The following SORBS2 variants were observed in gnomAD, a reference collection of about 807,000 sequenced individuals.
SORBS2 encodes the protein sorbin and SH3 domain-containing protein 2.
A neutral mutation model predicts 97.7 loss-of-function variants in SORBS2; 46 were observed. The ratio of observed to expected loss-of-function variants is 0.47; its 90% CI spans 0.37 to 0.60. The LOEUF is 0.60. Among genes scored for constraint, SORBS2 ranks in the 20% least tolerant of loss-of-function variants. The probability of loss-of-function intolerance (pLI) is 0.00; values close to 1 mark genes in which losing one functional copy is unlikely to be tolerated. For synonymous variants in SORBS2, 476 were observed against 473.4 expected (o/e 1.01, Z -0.07); for missense variants, 1,316 against 1,282.3 (o/e 1.03, Z -0.40).
chr4:185,734,579 G>A (rs2098669990), intron 2 of SORBS2, among the ~76,000 whole-genome samples: 1 of 152,154 alleles, frequency 6.6e-6, no homozygotes, highest in Admixed American at 6.5e-5. Context: ...TAATAGAATG[G>A]AAGGGTGCAG....
At chr4:185,753,612 G>C (rs1033550220) in intron 2 of SORBS2, among the ~76,000 whole-genome samples, 5 of 152,150 alleles carry the variant, frequency 3.3e-5, no homozygotes, top group African/African-American at 1.2e-4. Flanking sequence ...ATCAATGTCT[G>C]TGCATCCTTT....
chr4:185,744,511 T>A (rs780342061), intron 2 of SORBS2, among the ~76,000 whole-genome samples: 2 of 152,242 alleles, frequency 1.3e-5, no homozygotes, highest in African/African-American at 4.8e-5. Context: ...AGAATATTGA[T>A]AAATTATCAT....
chr4:185,949,415 A>T (rs2099276102), intron 1 of SORBS2, among the ~76,000 whole-genome samples: 1 of 152,156 alleles, frequency 6.6e-6, no homozygotes. Flanking sequence ...TTTAAACCTC[A>T]AGTAAAATGC....
chr4:185,608,331 G>A (rs968710593), intron 12 of SORBS2, among the ~76,000 whole-genome samples: 2 of 152,192 alleles, frequency 1.3e-5, no homozygotes, highest in Non-Finnish European at 2.9e-5. Flanking sequence ...ATGAAGCTGA[G>A]CTTACATAAC....
At chr4:185,706,471 T>C (rs889191133) in intron 2 of SORBS2, among the ~76,000 whole-genome samples, 10 of 152,228 alleles carry the variant, frequency 6.6e-5, no homozygotes, top group Non-Finnish European at 1.3e-4. Flanking sequence ...GTCTCAAGTA[T>C]ACACAAATGG....
chr4:185,851,468 C>G (rs1009799139), intron 1 of SORBS2, among the ~76,000 whole-genome samples: 1 of 152,150 alleles, frequency 6.6e-6, no homozygotes, highest in Non-Finnish European at 1.5e-5. Context: ...GTTGCACTTA[C>G]AAGCTGTCCT....
chr4:185,791,511 G>T (rs1263772270), intron 1 of SORBS2, among the ~76,000 whole-genome samples: 2 of 152,138 alleles, frequency 1.3e-5, no homozygotes, highest in African/African-American at 4.8e-5. Flanking sequence ...GCCAGCCAAG[G>T]TGAGGCTGTA....
At chr4:185,645,291 G>A (rs1256908284) in intron 4 of SORBS2, among the ~76,000 whole-genome samples, 2 of 152,112 alleles carry the variant, frequency 1.3e-5, no homozygotes, top group Non-Finnish European at 2.9e-5. Flanking sequence ...TGATGACATT[G>A]TGTTTCACTC....
intron 6 of SORBS2, 134 bp downstream of exon 18, chr4:185,626,698 C>G: frequency 1.1e-6 from 1 of 891,962 alleles, no homozygotes. Flanking sequence ...GGCTATTGTT[C>G]TAAAACTATA....
At chr4:185,666,233 G>A (rs930686512) in intron 4 of SORBS2, 1 of 1,159,256 alleles carries the variant, frequency 8.6e-7, no homozygotes, top group African/African-American at 1.6e-5. Flanking sequence ...AATAATAAGA[G>A]ATAAATTATC....
At chr4:185,849,100 T>C (rs962430642) in intron 1 of SORBS2, among the ~76,000 whole-genome samples, 1 of 152,178 alleles carries the variant, frequency 6.6e-6, no homozygotes, top group Non-Finnish European at 1.5e-5. Flanking sequence ...CCACCTCTTA[T>C]ATAGCTGGCC....
chr4:185,768,881 T>G (rs1207341496), intron 2 of SORBS2, among the ~76,000 whole-genome samples: 2 of 152,140 alleles, frequency 1.3e-5, no homozygotes, highest in Admixed American at 1.3e-4. Context: ...TGAAATTCCA[T>G]ACACAAAAAG....
At chr4:185,755,778 C>G (rs1356784127) in intron 2 of SORBS2, among the ~76,000 whole-genome samples, 1 of 152,218 alleles carries the variant, frequency 6.6e-6, no homozygotes, top group Admixed American at 6.5e-5. Flanking sequence ...TCAAGACTTT[C>G]CCTTTAACTA....
At chr4:185,771,281 A>G (rs62334857) in intron 2 of SORBS2, 27,920 of 151,742 alleles carry the variant, frequency 0.18, 2,741 homozygotes, top group Middle Eastern at 0.27. Context: ...GTGAGCCACC[A>G]CGCCAAGCCT....
At chr4:185,712,670 G>A (rs2098433926) in intron 2 of SORBS2, among the ~76,000 whole-genome samples, 1 of 152,234 alleles carries the variant, frequency 6.6e-6, no homozygotes, top group Non-Finnish European at 1.5e-5. Context: ...CCACCTGGAT[G>A]CTCGAACGGG....
In SORBS2 at chr4:185,866,991, GTTTAT is replaced by G. The variant is rs539165354; in HGVS notation, c.-338+89200_-338+89204del. On this transcript the variant is annotated intron_variant, in intron 1 of 20. Transcript: ENST00000284776. ...CGCAATGTATACTAAAATATTAAAG[GTTTAT>G]TTTATTTTATTTTATTATTTATTTA... Among the ~76,000 whole-genome samples, 19 of 152,032 alleles carry G rather than the reference GTTTAT, an allele frequency of 1.2e-4. No individual in the cohort carries two copies. The South Asian group carries it at 2.9e-3, about 23-fold the overall frequency.
intron 4 of SORBS2, among the ~76,000 whole-genome samples, chr4:185,669,776 C>T (rs1330750885): frequency 1.3e-5 from 2 of 152,190 alleles, no homozygotes; most frequent in East Asian, 1.9e-4. Context: ...CTGGGTCTGG[C>T]GTTTTTAATG....
At chr4:185,780,679 G>A (rs1223381024) in intron 1 of SORBS2, among the ~76,000 whole-genome samples, 1 of 152,172 alleles carries the variant, frequency 6.6e-6, no homozygotes, top group Non-Finnish European at 1.5e-5. Context: ...TTGCAGCACT[G>A]TTTGAAAGGA....
intron 1 of SORBS2, among the ~76,000 whole-genome samples, chr4:185,903,947 C>T (rs72709750): frequency 0.13 from 19,565 of 152,200 alleles, 1,310 homozygotes; most frequent in Middle Eastern, 0.22. Flanking sequence ...CCTGTAGATT[C>T]GGTCTTATTT....
Sources: allele counts gnomAD v4.1 joint callset (sites outside exome capture counted in the v4.1 genomes callset), GRCh38; gene constraint gnomAD v4.1.1; transcripts MANE v1.5; gene names NCBI Gene and HGNC (gene_info 2026-07-23, HGNC 2026-07-21).